ZNF544: variants seen among roughly 807,000 people sequenced by gnomAD.
ZNF544 encodes the protein zinc finger protein 544, also known as zinc finger protein AF020591.
A neutral mutation model predicts 13.5 loss-of-function variants in ZNF544; 10 were observed. The observed-to-expected ratio is 0.74, with a 90% CI of 0.46 to 1.25. The LOEUF (loss-of-function observed/expected upper bound fraction) is 1.25, where lower values mean the gene tolerates loss of function less well. Among genes scored for constraint, ZNF544 ranks in the 50% most tolerant of loss-of-function variants. The pLI is 0.00. For synonymous variants in ZNF544, 323 were observed against 300.5 expected (o/e 1.07, Z -0.77); for missense variants, 896 against 845.6 (o/e 1.06, Z -0.74).
downstream of ZNF544, among the ~76,000 whole-genome samples, chr19:58,266,447 A>G (rs955793744): frequency 1.4e-5 from 2 of 145,654 alleles, no homozygotes; most frequent in Admixed American, 7.1e-5. Context: ...CCCAGGAGGC[A>G]GAGCTTGCAG....
chr19:58,266,257 G>A (rs2049877125), downstream of ZNF544, among the ~76,000 whole-genome samples: 1 of 142,380 alleles, frequency 7.0e-6, no homozygotes, highest in Non-Finnish European at 1.5e-5. Flanking sequence ...GGTGGCTCAC[G>A]CCTGTGATCC....
At chr19:58,253,098 G>A (rs577619386) in intron 6 of ZNF544, among the ~76,000 whole-genome samples, 42 of 152,186 alleles carry the variant, frequency 2.8e-4, no homozygotes, top group African/African-American at 9.6e-4. Context: ...GATTATAGGC[G>A]TGAGCCACCG....
chr19:58,240,343 C>T (rs1372334233), intron 3 of ZNF544, among the ~76,000 whole-genome samples: 5 of 151,738 alleles, frequency 3.3e-5, no homozygotes, highest in African/African-American at 7.3e-5. Context: ...CTGCAAGCTC[C>T]GCCTCCCGGG....
chr19:58,260,826 C>T, intron 6 of ZNF544, 25 bp from the exon 7 acceptor site: 1 of 1,538,654 alleles, frequency 6.5e-7, no homozygotes, highest in Non-Finnish European at 8.7e-7. Flanking sequence ...TCTCCAGTAA[C>T]TTAGGCATTT....
Position 58,261,142 on chromosome 19 carries a change from C to G in ZNF544, c.536C>G (p.Pro179Arg). ...TTAAGCCTTCTACCTACAACATTACCTACAAGTACAGGTTTCCCTAAGCCC... is the reference window on the plus strand; with the variant it reads ...TTAAGCCTTCTACCTACAACATTACGTACAAGTACAGGTTTCCCTAAGCCC... ...STLSLLPTTL[P>R]TSTGFPKPNS... Residue 179 changes from proline to arginine, a missense_variant, in exon 7 of 7, where the codon CCT becomes CGT. Transcript: ENST00000687789. 6.2e-7 allele frequency: 1 copy of G among 1,614,110 alleles called. No individual in the cohort carries two copies. The highest frequency in any genetic ancestry group is 1.1e-5 in the South Asian group (1 of 91,084).
At chr19:58,258,789 G>A (rs1429951988) in intron 6 of ZNF544, 1 of 152,348 alleles carries the variant, frequency 6.6e-6, no homozygotes, top group African/African-American at 2.4e-5. Flanking sequence ...AGCTCAGAGA[G>A]TGAGGCATGA....
intron 6 of ZNF544, among the ~76,000 whole-genome samples, chr19:58,252,985 C>T (rs2046546040): frequency 6.6e-6 from 1 of 152,050 alleles, no homozygotes; most frequent in African/African-American, 2.4e-5. Context: ...ACACCCAGCT[C>T]ACTTTTATAT....
chr19:58,255,227 G>T (rs536175474), intron 6 of ZNF544, among the ~76,000 whole-genome samples: 1 of 151,584 alleles, frequency 6.6e-6, no homozygotes, highest in South Asian at 2.1e-4. Context: ...GCTGGCTGGA[G>T]TGCAGTGGCA....
chr19:58,252,178 C>T (rs994585247), intron 6 of ZNF544, among the ~76,000 whole-genome samples: 6 of 152,176 alleles, frequency 3.9e-5, no homozygotes, highest in African/African-American at 1.4e-4. Flanking sequence ...CACAGAATCC[C>T]TTCTACAATT....
chr19:58,268,261 ATTAC>A (rs2050185725), downstream of ZNF544, among the ~76,000 whole-genome samples: 1 of 152,196 alleles, frequency 6.6e-6, no homozygotes, highest in South Asian at 2.1e-4. Flanking sequence ...GTCTAGTGCC[ATTAC>A]ACTCCAGCCT....
At chr19:58,243,726 C>T (rs975248897) in intron 3 of ZNF544, among the ~76,000 whole-genome samples, 4 of 152,264 alleles carry the variant, frequency 2.6e-5, no homozygotes, top group African/African-American at 9.6e-5. Context: ...AGGAAAAATG[C>T]CCCTCCTTGC....
chr19:58,272,941 T>G lies in ZNF544; in HGVS notation c.245-3382T>G, dbSNP rs189302522. Among the ~76,000 whole-genome samples the G allele has an allele frequency of 4.0e-3, 614 of 151,812 alleles. 1 individual carries two copies. Among genetic ancestry groups the G allele is most frequent in the Non-Finnish European group, 6.8e-3 (464 of 67,952 alleles). On this transcript the variant is annotated intron_variant, in intron 5 of 6. Coordinates refer to the ZNF544 transcript ENST00000595981. ...GCTCATGCCTGTAATCCCAGCACTT[T>G]GGGAGGCCGAGTTGGGCAGATTGCA...
chr19:58,246,532 C>T, intron 5 of ZNF544, 105 bp downstream of exon 5: 1 of 1,538,742 alleles, frequency 6.5e-7, no homozygotes. Flanking sequence ...GGAAGCAGGT[C>T]CCTTTCAGGT....
At chr19:58,272,421 G>A (rs1278043176) in intron 5 of ZNF544, among the ~76,000 whole-genome samples, 1 of 152,106 alleles carries the variant, frequency 6.6e-6, no homozygotes, top group Non-Finnish European at 1.5e-5. Context: ...ACCAGGTGTG[G>A]TGGCACGCGC....
exon 7 of ZNF544, chr19:58,277,395 C>T: frequency 2.0e-6 from 1 of 501,860 alleles, no homozygotes; most frequent in Non-Finnish European, 3.1e-6. Flanking sequence ...TTCAGTCCCT[C>T]AGACTACACC....
At position 58,247,919 on chromosome 19, in the gene ZNF544, C is replaced by CT. The variant is rs965456163; in HGVS notation, c.244+1136dup. On this transcript the variant is annotated intron_variant, in intron 6 of 6. Coordinates refer to ENST00000687789, the MANE Select transcript of ZNF544 (RefSeq NM_014480.4). ...ATCGGCAAACCTATCTTGAGGCATC[C>CT]TTTTTTTTTTTCCCAGACAGAGTCT... Among the ~76,000 whole-genome samples the CT allele has an allele frequency of 2.7e-4, 40 of 146,274 alleles. No homozygotes were observed. In the South Asian group the frequency reaches 2.9e-3, roughly 10 times the overall value.
intron 6 of ZNF544, among the ~76,000 whole-genome samples, chr19:58,252,777 A>G (rs2046494028): frequency 6.6e-6 from 1 of 152,236 alleles, no homozygotes; most frequent in Admixed American, 6.5e-5. Flanking sequence ...CACAACTTTT[A>G]GAAACATATT....
rs751883153 is a variant in ZNF544 at position 58,261,608 on chromosome 19, C to T, written c.1002C>T (p.Ala334=). 6.2e-7 allele frequency: 1 copy of T among 1,614,216 alleles called. No homozygotes were observed. The highest frequency in any genetic ancestry group is 1.1e-5 in the South Asian group (1 of 91,088). ...TPFRCEERCA[A]FPMASSFSDC... is the part of the protein sequence containing the mutation. ...TCAGATGTGAGGAACGCTGTGCTGC[C>T]TTCCCCATGGCCTCATCTTTTTCTG... The change falls in exon 7 of 7, where the codon GCC becomes GCT. Residue 334 remains alanine, a synonymous_variant. Transcript: ENST00000687789.
intron 3 of ZNF544, among the ~76,000 whole-genome samples, chr19:58,237,779 T>G (rs943559190): frequency 6.6e-6 from 1 of 152,202 alleles, no homozygotes; most frequent in Non-Finnish European, 1.5e-5. Flanking sequence ...TTTGTTGGCA[T>G]GGCCAGTATT....
Sources: allele counts gnomAD v4.1 joint callset (sites outside exome capture counted in the v4.1 genomes callset), GRCh38; gene constraint gnomAD v4.1.1; transcripts MANE v1.5; gene names NCBI Gene and HGNC (gene_info 2026-07-23, HGNC 2026-07-21).